The following ADRA1A variants were observed in gnomAD, a reference collection of about 807,000 sequenced individuals.
ADRA1A encodes alpha-1A adrenergic receptor.
Under a neutral mutation model 29.6 loss-of-function variants are expected in ADRA1A, and 31 were observed. The ratio of observed to expected loss-of-function variants is 1.05; its 90% CI spans 0.79 to 1.41. The LOEUF (loss-of-function observed/expected upper bound fraction) is 1.41, where lower values mean the gene tolerates loss of function less well. Ranked by LOEUF, ADRA1A falls within the 40% of genes most tolerant of loss-of-function variation. The pLI, the probability that ADRA1A is intolerant of heterozygous loss-of-function variation, is 0.00. For synonymous variants in ADRA1A, 311 were observed against 254.3 expected (o/e 1.22, Z -2.12); for missense variants, 619 against 601.1 (o/e 1.03, Z -0.31).
chr8:26,827,719 A>G (rs1324274631), intron 2 of ADRA1A, among the ~76,000 whole-genome samples: 1 of 151,976 alleles, frequency 6.6e-6, no homozygotes, highest in African/African-American at 2.4e-5. Flanking sequence ...AAAGACACGA[A>G]TCCCAAACAT....
chr8:26,837,681 T>C (rs1811486094), intron 2 of ADRA1A, among the ~76,000 whole-genome samples: 1 of 150,038 alleles, frequency 6.7e-6, no homozygotes, highest in South Asian at 2.1e-4. Context: ...CAGTAGCCAT[T>C]GGGCTAGATA....
chr8:26,751,013 G>A (rs1804899078), intron 2 of ADRA1A, among the ~76,000 whole-genome samples: 2 of 150,776 alleles, frequency 1.3e-5, no homozygotes, highest in Non-Finnish European at 2.9e-5. Flanking sequence ...AGGTTGTGGA[G>A]AGCCGAGATT....
downstream of ADRA1A, among the ~76,000 whole-genome samples, chr8:26,762,982 C>T (rs138294543): frequency 1.2e-3 from 180 of 152,060 alleles, 2 homozygotes; most frequent in African/African-American, 4.2e-3. This position sits in a 1 kb window ranked among gnomAD's most constrained non-coding sequence, Gnocchi z 4.0. Flanking sequence ...TAGGGGAGGG[C>T]TAAATATGCT....
downstream of ADRA1A, among the ~76,000 whole-genome samples, chr8:26,752,563 G>C (rs1265294452): frequency 6.6e-6 from 1 of 152,174 alleles, no homozygotes; most frequent in Admixed American, 6.5e-5. Flanking sequence ...TTTTCAGGCT[G>C]CTTTTTGTTA....
At chr8:26,826,190 A>G (rs934867279) in intron 2 of ADRA1A, among the ~76,000 whole-genome samples, 2 of 152,260 alleles carry the variant, frequency 1.3e-5, no homozygotes, top group African/African-American at 4.8e-5. Context: ...AATGAAAAGA[A>G]GAATGCTACA....
At chr8:26,817,707 G>T (rs1274954569) in intron 2 of ADRA1A, among the ~76,000 whole-genome samples, 1 of 152,194 alleles carries the variant, frequency 6.6e-6, no homozygotes, top group Non-Finnish European at 1.5e-5. Context: ...GAGCCTGGGA[G>T]GTTGAGGCTG....
chr8:26,783,996 G>A (rs1460251867), intron 2 of ADRA1A, among the ~76,000 whole-genome samples: 1 of 151,886 alleles, frequency 6.6e-6, no homozygotes, highest in Non-Finnish European at 1.5e-5. Context: ...GACACAATGG[G>A]GGGAACAACA....
In ADRA1A at chr8:26,864,036, G is replaced by T. The variant is rs1235373892; in HGVS notation, c.883+51C>A. On this transcript the variant is annotated intron_variant, in intron 2 of 2. Transcript: ENST00000380573. This position sits in a 1 kb window ranked among gnomAD's most constrained non-coding sequence, Gnocchi z 8.1. ...CTGGGAGTCTGGGGTAACAGAAGCC[G>T]AGGAGGGTGAAGACCCCCAGATGCT... 3.2e-6 allele frequency: 5 copies of T among 1,544,496 alleles called. No homozygotes were observed. Among genetic ancestry groups the T allele is most frequent in the Non-Finnish European group, 4.4e-6 (5 of 1,144,672 alleles).
intron 2 of ADRA1A, among the ~76,000 whole-genome samples, chr8:26,846,792 C>T (rs1365322661): frequency 6.6e-6 from 1 of 152,228 alleles, no homozygotes; most frequent in East Asian, 1.9e-4. Context: ...AAAAATTATT[C>T]ACAATAGCAA....
chr8:26,867,220 A>G lies in ADRA1A; in HGVS notation c.-971T>C. On this transcript the variant is annotated 5_prime_UTR_variant, in exon 1 of 3. Transcript: ENST00000380573. ...CTCCACAATCACCCTTTTAATATTC[A>G]GCTCCCCGACACCAGAAAAGAATAG... 4.1e-6 allele frequency: 4 copies of G among 985,450 alleles called. No individual in the cohort carries two copies. In the South Asian group the frequency reaches 1.9e-4, roughly 46 times the overall value. The allele number at this position is 985,450 out of a possible 1,614,324, so 61.0% of individuals were successfully genotyped here.
At chr8:26,779,074 A>G in intron 2 of ADRA1A, 1 of 458,058 alleles carries the variant, frequency 2.2e-6, no homozygotes, top group Non-Finnish European at 3.8e-6. Context: ...TTCACGGTAC[A>G]TATCACAGTT....
chr8:26,862,245 C>T (rs977348684), intron 2 of ADRA1A, among the ~76,000 whole-genome samples: 1 of 152,200 alleles, frequency 6.6e-6, no homozygotes, highest in African/African-American at 2.4e-5. Context: ...CCAGGAAGCT[C>T]TTCTTCCCAG....
At chr8:26,845,272 G>A (rs575119934) in intron 2 of ADRA1A, among the ~76,000 whole-genome samples, 7 of 152,244 alleles carry the variant, frequency 4.6e-5, no homozygotes, top group South Asian at 2.1e-4. Context: ...TAAAAAATGG[G>A]CAAAGGATGT....
At chr8:26,767,094 G>A (rs1435315850), downstream of ADRA1A, among the ~76,000 whole-genome samples, 1 of 152,110 alleles carries the variant, frequency 6.6e-6, no homozygotes, top group Non-Finnish European at 1.5e-5. Flanking sequence ...CTCTCATAAT[G>A]CATGCAGTTT....
chr8:26,769,356 T>C lies in ADRA1A; in HGVS notation c.*793A>G. The C allele has an allele frequency of 1.0e-6, 1 of 985,434 alleles. No individual in the cohort carries two copies. Among genetic ancestry groups the C allele is most frequent in the South Asian group, 4.7e-5 (1 of 21,290 alleles). The allele number at this position is 985,434 out of a possible 1,614,324, so 61.0% of individuals were successfully genotyped here. Reference sequence around the variant, plus strand: ...CTATCATCATCTGATCTTGGAACTGTTTAATGGATTTTCTCTCTAGTAGTT... The same window carrying C: ...CTATCATCATCTGATCTTGGAACTGCTTAATGGATTTTCTCTCTAGTAGTT... On this transcript the variant is annotated 3_prime_UTR_variant, in exon 3 of 3. Coordinates refer to ENST00000380573, the MANE Select transcript of ADRA1A (RefSeq NM_000680.4).
At chr8:26,809,034 A>G (rs982925382) in intron 2 of ADRA1A, among the ~76,000 whole-genome samples, 2 of 152,154 alleles carry the variant, frequency 1.3e-5, no homozygotes, top group African/African-American at 4.8e-5. Flanking sequence ...TTAGGAGTAG[A>G]CACCTGCCTT....
At chr8:26,857,301 T>C (rs111590051) in intron 2 of ADRA1A, among the ~76,000 whole-genome samples, 4 of 152,278 alleles carry the variant, frequency 2.6e-5, no homozygotes, top group African/African-American at 9.6e-5. Flanking sequence ...AGATGGCTGC[T>C]GCTTTAAGCC....
downstream of ADRA1A, among the ~76,000 whole-genome samples, chr8:26,752,271 C>A (rs190313009): frequency 6.6e-6 from 1 of 152,116 alleles, no homozygotes; most frequent in African/African-American, 2.4e-5. Context: ...CTTGAGGAGG[C>A]GGTGTCTCAT....
At position 26,770,657 on chromosome 8, in the gene ADRA1A, A is replaced by C; in HGVS notation, c.893T>G (p.Phe298Cys). 7 of 1,609,732 alleles carry C rather than the reference A, an allele frequency of 4.3e-6. No homozygotes were observed. Among genetic ancestry groups the C allele is most frequent in the Non-Finnish European group, 5.9e-6 (7 of 1,177,660 alleles). ...TGTTTCAGAGGGCTTGAAATCAGGG[A>C]AGAAAGACCCTGGAAGAAAACACAC... ...FFLVMPIGSF[F>C]PDFKPSETVF... Residue 298 changes from phenylalanine (F) to cysteine (C), a missense_variant, in exon 3 of 3, where the codon TTC becomes TGC. Transcript: ENST00000380573.
Sources: gnomAD v4.1 joint callset for allele counts (sites outside exome capture counted in the v4.1 genomes callset) on GRCh38, gnomAD v4.1.1 for gene constraint, Gnocchi (gnomAD v3.1) non-coding constraint, MANE v1.5 for transcripts, NCBI Gene and HGNC (gene_info 2026-07-23, HGNC 2026-07-21) for gene names.